ZNF248: variants seen among roughly 807,000 people sequenced by gnomAD.
The protein encoded by ZNF248 is KRAB protein domain.
Under a neutral mutation model 44.3 loss-of-function variants are expected in ZNF248, and 20 were observed. The ratio of observed to expected loss-of-function variants is 0.45; its 90% CI spans 0.32 to 0.66. The LOEUF (loss-of-function observed/expected upper bound fraction) is 0.66, where lower values mean the gene tolerates loss of function less well. ZNF248 is among the 30% of genes least tolerant of loss of function. ZNF248 has a pLI of 0.04. For missense variants in ZNF248, 654 were observed against 677.0 expected (o/e 0.97, Z 0.38); for synonymous variants, 224 against 229.0 (o/e 0.98, Z 0.20).
chr10:37,843,777 C>T (rs892703055), intron 3 of ZNF248, among the ~76,000 whole-genome samples: 10 of 152,006 alleles, frequency 6.6e-5, no homozygotes, highest in Non-Finnish European at 1.0e-4. Context: ...TTTAAAAATC[C>T]ACTAGAGGTT....
chr10:37,773,171 G>A (rs961679534), downstream of ZNF248, among the ~76,000 whole-genome samples: 2 of 152,162 alleles, frequency 1.3e-5, no homozygotes, highest in African/African-American at 2.4e-5. Flanking sequence ...ACTTAAACCA[G>A]GAGGTGGAGG....
At chr10:37,824,673 A>ATTTTTTTT (rs755411927), downstream of ZNF248, among the ~76,000 whole-genome samples, 9,058 of 79,316 alleles carry the variant, frequency 0.11, 2,311 homozygotes, top group East Asian at 0.17. Flanking sequence ...ATTATTTTAA[A>ATTTTTTTT]TTTTTTTTTT....
At chr10:37,841,703 A>T (rs1564625856) in intron 3 of ZNF248, among the ~76,000 whole-genome samples, 1 of 152,234 alleles carries the variant, frequency 6.6e-6, no homozygotes, top group Admixed American at 6.5e-5. Flanking sequence ...ACATGACCAC[A>T]CTACCTCCAC....
chr10:37,791,518 A>G (rs916449173), intron 6 of ZNF248: 1 of 152,080 alleles, frequency 6.6e-6, no homozygotes, highest in Non-Finnish European at 1.5e-5. Context: ...ATACCAATTG[A>G]AGAGGTGGAG....
chr10:37,775,135 CT>C, downstream of ZNF248, among the ~76,000 whole-genome samples: 1 of 152,248 alleles, frequency 6.6e-6, no homozygotes, highest in East Asian at 1.9e-4. Flanking sequence ...AGAGATAAGT[CT>C]GCACGTTACT....
At position 37,830,595 on chromosome 10, in the gene ZNF248, C is replaced by T. The variant is rs2055355519; in HGVS notation, c.*1020G>A. On this transcript the variant is annotated 3_prime_UTR_variant, in exon 6 of 6. Transcript: ENST00000395867. ...GGTATGTGGTTTGTATTGCCAAATA[C>T]GTTTTCATATATACACAGTGATGTG... 3 of 985,276 alleles carry T rather than the reference C, an allele frequency of 3.0e-6. No individual in the cohort carries two copies. The highest frequency in any genetic ancestry group is 1.1e-4 in the East Asian group (1 of 8,796). 61.0% of individuals were successfully genotyped at this position (985,276 alleles called of 1,614,324 possible). A position where few individuals can be genotyped will look rare whatever the true frequency, so the allele number is the denominator to read the frequency against.
chr10:37,816,671 C>A (rs1174271340), intron 6 of ZNF248, among the ~76,000 whole-genome samples: 4 of 152,076 alleles, frequency 2.6e-5, no homozygotes. Context: ...TTTTGAGTAC[C>A]CTTAGATTTG....
intron 6 of ZNF248, among the ~76,000 whole-genome samples, chr10:37,808,278 C>CTTT (rs796239232): frequency 7.0e-4 from 96 of 137,594 alleles, no homozygotes; most frequent in African/African-American, 2.5e-3. Flanking sequence ...AACCTTTTTT[C>CTTT]TTTTTTTTTT....
chr10:37,760,020 A>G, the ZNF248 span, among the ~76,000 whole-genome samples: 1 of 152,140 alleles, frequency 6.6e-6, no homozygotes, highest in Non-Finnish European at 1.5e-5. Flanking sequence ...CAGAAGAGGG[A>G]AAAGCAGGTG....
At chr10:37,802,577 A>C (rs1484291777) in intron 6 of ZNF248, among the ~76,000 whole-genome samples, 1 of 152,198 alleles carries the variant, frequency 6.6e-6, no homozygotes, top group Non-Finnish European at 1.5e-5. Flanking sequence ...AGCAAATTAC[A>C]ATACAGAAAA....
At chr10:37,780,308 T>A (rs1220727082) in intron 6 of ZNF248, among the ~76,000 whole-genome samples, 1 of 152,018 alleles carries the variant, frequency 6.6e-6, no homozygotes, top group Non-Finnish European at 1.5e-5. Flanking sequence ...GTACTGGTAC[T>A]AAAACAGAGA....
intron 6 of ZNF248, among the ~76,000 whole-genome samples, chr10:37,787,055 A>G (rs1440633348): frequency 6.6e-6 from 1 of 152,154 alleles, no homozygotes; most frequent in Non-Finnish European, 1.5e-5. Context: ...TGAGCCAGGC[A>G]GATCACAAGG....
intron 3 of ZNF248, among the ~76,000 whole-genome samples, chr10:37,842,090 GTAC>G (rs1431141864): frequency 2.0e-5 from 3 of 152,130 alleles, no homozygotes; most frequent in African/African-American, 7.2e-5. Context: ...TGTGACAAAT[GTAC>G]TACATTAATA....
At chr10:37,798,092 TA>T (rs1374962137) in intron 6 of ZNF248, among the ~76,000 whole-genome samples, 1 of 152,140 alleles carries the variant, frequency 6.6e-6, no homozygotes, top group Non-Finnish European at 1.5e-5. Flanking sequence ...ATAGATAAAC[TA>T]AATTTGGTAT....
intron 6 of ZNF248, chr10:37,794,692 C>T (rs766582482): frequency 1.2e-5 from 2 of 163,336 alleles, no homozygotes; most frequent in Non-Finnish European, 2.8e-5. Context: ...CTCTGATGTT[C>T]AGTGAGTGTT....
the ZNF248 span, among the ~76,000 whole-genome samples, chr10:37,763,512 C>T: frequency 6.6e-6 from 1 of 152,154 alleles, no homozygotes; most frequent in Non-Finnish European, 1.5e-5. Context: ...AGGCCTTTGG[C>T]TACCTGTAAT....
intron 6 of ZNF248, among the ~76,000 whole-genome samples, chr10:37,810,647 G>T (rs1175275559): frequency 6.6e-6 from 1 of 152,050 alleles, no homozygotes; most frequent in Non-Finnish European, 1.5e-5. Flanking sequence ...AAAGAGGTAT[G>T]AAATAAATGT....
chr10:37,789,650 C>A (rs1185283630), intron 6 of ZNF248, among the ~76,000 whole-genome samples: 11 of 152,208 alleles, frequency 7.2e-5, no homozygotes, highest in Admixed American at 6.5e-4. Flanking sequence ...TGATGGCATT[C>A]AGCCTCTCTC....
At chr10:37,828,605 G>A (rs779560445), downstream of ZNF248, among the ~76,000 whole-genome samples, 1 of 152,134 alleles carries the variant, frequency 6.6e-6, no homozygotes, top group Non-Finnish European at 1.5e-5. Context: ...GCCAGGATTG[G>A]GGTAAATGCC....
Sources: gnomAD v4.1 joint callset for allele counts (sites outside exome capture counted in the v4.1 genomes callset) on GRCh38, gnomAD v4.1.1 for gene constraint, MANE v1.5 for transcripts, NCBI Gene and HGNC (gene_info 2026-07-23, HGNC 2026-07-21) for gene names.